Variants in DAP observed in about 807,000 individuals in gnomAD.
DAP encodes the protein death associated protein, also known as death-associated protein 1.
In DAP, 8 loss-of-function variants were observed where a neutral mutation model predicts 13.8. That is an observed-to-expected ratio of 0.58 (90% CI 0.34 to 1.05). The LOEUF (loss-of-function observed/expected upper bound fraction) is 1.05. Ranked by LOEUF, DAP falls within the 50% of genes least tolerant of loss-of-function variation. The pLI, the probability that DAP is intolerant of heterozygous loss-of-function variation, is 0.03. For missense variants in DAP, 106 were observed against 133.2 expected (o/e 0.80, Z 1.01); for synonymous variants, 47 against 47.5 (o/e 0.99, Z 0.04).
chr5:10,749,126 T>C (rs549160393), intron 1 of DAP, among the ~76,000 whole-genome samples: 2 of 152,380 alleles, frequency 1.3e-5, no homozygotes, highest in South Asian at 4.1e-4. Context: ...TTCATCCATG[T>C]TACAGCACGT....
intron 1 of DAP, among the ~76,000 whole-genome samples, chr5:10,751,144 T>C (rs1740036206): frequency 1.3e-5 from 2 of 152,312 alleles, no homozygotes; most frequent in Non-Finnish European, 2.9e-5. Flanking sequence ...CAACCTTGGC[T>C]ACTCCCTGCC....
At chr5:10,723,952 A>C (rs997869020) in intron 2 of DAP, among the ~76,000 whole-genome samples, 3 of 152,222 alleles carry the variant, frequency 2.0e-5, no homozygotes, top group Admixed American at 2.0e-4. Flanking sequence ...AGATTATTGA[A>C]GTAAATGCCA....
chr5:10,759,058 GCACCTGTAAACC>G lies in DAP; in HGVS notation c.55+1944_55+1955del, dbSNP rs551448534. Among the ~76,000 whole-genome samples the G allele has an allele frequency of 5.0e-4, 76 of 152,286 alleles. 1 individual carries two copies. The highest frequency in any genetic ancestry group is 6.8e-3 in the Middle Eastern group (2 of 294). On this transcript the variant is annotated intron_variant, in intron 1 of 3. Transcript: ENST00000230895. ...AAAAATCAGCCAGGTGTGGTGGCAGGCACCTGTAAACCCAGCTACTCGGGAGGCTGAGGCAGG... is the reference window on the plus strand; with the variant it reads ...AAAAATCAGCCAGGTGTGGTGGCAGGCAGCTACTCGGGAGGCTGAGGCAGG...
chr5:10,732,198 GA>G (rs1360382956), intron 2 of DAP, among the ~76,000 whole-genome samples: 5 of 152,204 alleles, frequency 3.3e-5, no homozygotes, highest in Non-Finnish European at 7.3e-5. Context: ...AACATTCATA[GA>G]ACATAAAATC....
chr5:10,681,937 G>A (rs554187863), intron 3 of DAP, among the ~76,000 whole-genome samples: 69 of 150,294 alleles, frequency 4.6e-4, no homozygotes, highest in African/African-American at 1.6e-3. Context: ...TGTATATGAG[G>A]AAGCTCCAGG....
At position 10,724,905 on chromosome 5, in the gene DAP, T is replaced by C. The variant is rs1201503955; in HGVS notation, c.152+23270A>G. Reference sequence around the variant, plus strand: ...ACAGCCGCCAGGGGGTGTAGCTCTCTACTCCCCCCAGGAGGAGAAGGTGGG... The same window carrying C: ...ACAGCCGCCAGGGGGTGTAGCTCTCCACTCCCCCCAGGAGGAGAAGGTGGG... On this transcript the variant is annotated intron_variant, in intron 2 of 3. Transcript: ENST00000230895. Among the ~76,000 whole-genome samples the C allele has an allele frequency of 2.7e-5, 4 of 150,234 alleles. No homozygotes were observed. The East Asian group carries it at 5.8e-4, about 22-fold the overall frequency.
At chr5:10,691,629 G>A (rs1393608454) in intron 2 of DAP, among the ~76,000 whole-genome samples, 1 of 152,138 alleles carries the variant, frequency 6.6e-6, no homozygotes, top group East Asian at 1.9e-4. Context: ...ATGCTGTTTT[G>A]AAGATGCAAC....
At chr5:10,733,155 C>CGTGTGTGT (rs55645932) in intron 2 of DAP, among the ~76,000 whole-genome samples, 134 of 128,476 alleles carry the variant, frequency 1.0e-3, no homozygotes, top group Admixed American at 3.8e-3. Context: ...AATATTCCTG[C>CGTGTGTGT]GTGTGTGTGT....
intron 2 of DAP, among the ~76,000 whole-genome samples, chr5:10,731,315 T>A (rs967282486): frequency 6.6e-6 from 1 of 152,034 alleles, no homozygotes; most frequent in South Asian, 2.1e-4. Flanking sequence ...CTTTCTCTAC[T>A]GAGAGCCCTG....
At chr5:10,696,117 C>T (rs1046373432) in intron 2 of DAP, among the ~76,000 whole-genome samples, 1 of 152,092 alleles carries the variant, frequency 6.6e-6, no homozygotes, top group Non-Finnish European at 1.5e-5. Flanking sequence ...CCCTCCCCCT[C>T]CTCCTGCTCT....
intron 2 of DAP, among the ~76,000 whole-genome samples, chr5:10,732,486 T>C (rs1047971328): frequency 6.6e-6 from 1 of 152,240 alleles, no homozygotes; most frequent in Non-Finnish European, 1.5e-5. Flanking sequence ...TAGCACAATG[T>C]TTTTAAAGTT....
At chr5:10,729,274 T>C (rs568929307) in intron 2 of DAP, among the ~76,000 whole-genome samples, 181 of 152,298 alleles carry the variant, frequency 1.2e-3, no homozygotes, top group Non-Finnish European at 2.3e-3. Flanking sequence ...GAATTCATGC[T>C]CTTATAATCA....
chr5:10,749,967 C>A (rs895558020), intron 1 of DAP, among the ~76,000 whole-genome samples: 1 of 152,098 alleles, frequency 6.6e-6, no homozygotes, highest in South Asian at 2.1e-4. Flanking sequence ...GCTTCATCTG[C>A]AGAAAGGAGA....
In DAP at chr5:10,681,103, T is replaced by C. The variant is rs1214967189; in HGVS notation, c.262A>G (p.Lys88Glu). The change falls in exon 4 of 4, where the codon AAG (lysine) becomes GAG (glutamate). Residue 88 changes from lysine (K) to glutamate (E), a missense_variant. Physicochemically the swap from Lys to Glu is moderately conservative, Grantham distance 56. Transcript: ENST00000230895. ...AHQKPHASMDKHPSPRTQHIQ... is the reference protein window; with the variant it reads ...AHQKPHASMDEHPSPRTQHIQ... ...TGCTGGGTTCTTGGGGAAGGATGCT[T>C]GTCCATGGAGGCATGCGGCTTCTGG... 3.1e-6 allele frequency: 5 copies of C among 1,588,590 alleles called. No individual in the cohort carries two copies. The highest frequency in any genetic ancestry group is 4.3e-6 in the Non-Finnish European group (5 of 1,166,880).
At chr5:10,715,723 C>CGGAGAGAAAGGGCAGGCTGCT (rs1738967926) in intron 2 of DAP, among the ~76,000 whole-genome samples, 1 of 152,126 alleles carries the variant, frequency 6.6e-6, no homozygotes, top group Non-Finnish European at 1.5e-5. Flanking sequence ...TCCGATGCCA[C>CGGAGAGAAAGGGCAGGCTGCT]GGAGAGAAAG....
At chr5:10,718,164 C>A (rs542374135) in intron 2 of DAP, among the ~76,000 whole-genome samples, 1 of 152,232 alleles carries the variant, frequency 6.6e-6, no homozygotes, top group Non-Finnish European at 1.5e-5. Flanking sequence ...TCAGGGACTA[C>A]TGGACACTGG....
At chr5:10,704,095 T>A (rs1034780777) in intron 2 of DAP, among the ~76,000 whole-genome samples, 5 of 152,208 alleles carry the variant, frequency 3.3e-5, no homozygotes, top group Non-Finnish European at 2.9e-5. Flanking sequence ...CCCCAGAGTT[T>A]CCTTTATAGT....
intron 2 of DAP, among the ~76,000 whole-genome samples, chr5:10,715,076 C>T (rs1411094623): frequency 6.6e-6 from 1 of 152,162 alleles, no homozygotes. Context: ...CCATAAGGGT[C>T]TCTGTGTCTT....
At chr5:10,690,298 C>T (rs1384139807) in intron 2 of DAP, among the ~76,000 whole-genome samples, 1 of 152,210 alleles carries the variant, frequency 6.6e-6, no homozygotes, top group Non-Finnish European at 1.5e-5. Context: ...TTTGAAACCC[C>T]AGCCAGCTCA....
Sources: allele counts gnomAD v4.1 joint callset (sites outside exome capture counted in the v4.1 genomes callset), GRCh38; gene constraint gnomAD v4.1.1; transcripts MANE v1.5; gene names NCBI Gene and HGNC (gene_info 2026-07-23, HGNC 2026-07-21).